The following PALLD variants were observed in gnomAD, a reference collection of about 807,000 sequenced individuals.
PALLD encodes the protein palladin, cytoskeletal associated protein.
A neutral mutation model predicts 123.5 loss-of-function variants in PALLD; 61 were observed. The ratio of observed to expected loss-of-function variants is 0.49; its 90% CI spans 0.40 to 0.61. The LOEUF (loss-of-function observed/expected upper bound fraction) is 0.61, where lower values mean the gene tolerates loss of function less well. Ranked by LOEUF, PALLD falls within the 20% of genes least tolerant of loss-of-function variation. The probability of loss-of-function intolerance (pLI) is 0.00; values close to 1 mark genes in which losing one functional copy is unlikely to be tolerated. For synonymous variants in PALLD, 465 were observed against 496.4 expected, an observed-to-expected ratio of 0.94 and a Z score of 0.84; for missense variants, 1,273 against 1,377.0, an observed-to-expected ratio of 0.92 and a Z score of 1.20.
intron 10 of PALLD, among the ~76,000 whole-genome samples, chr4:168,740,491 TG>T (rs1172070702): frequency 6.6e-6 from 1 of 152,220 alleles, no homozygotes; most frequent in East Asian, 1.9e-4. Flanking sequence ...CCTCATGCTG[TG>T]GTTTTTTTTC....
At chr4:168,541,306 A>G (rs2149509485) in intron 2 of PALLD, among the ~76,000 whole-genome samples, 1 of 152,294 alleles carries the variant, frequency 6.6e-6, no homozygotes. Context: ...TTCAGATGAC[A>G]GCACATCCAA....
intron 10 of PALLD, among the ~76,000 whole-genome samples, chr4:168,768,053 G>A (rs1324317467): frequency 6.6e-6 from 1 of 152,088 alleles, no homozygotes; most frequent in African/African-American, 2.4e-5. Context: ...AAAACCTCCT[G>A]TTCATCCTTC....
intron 2 of PALLD, among the ~76,000 whole-genome samples, chr4:168,618,620 T>C (rs1005448827): frequency 3.9e-5 from 6 of 152,186 alleles, no homozygotes; most frequent in Admixed American, 2.0e-4. Context: ...AATCAAGTAT[T>C]AGGAGGAAAT....
chr4:168,922,031 C>T (rs1464927524), intron 18 of PALLD, among the ~76,000 whole-genome samples: 1 of 151,024 alleles, frequency 6.6e-6, no homozygotes, highest in Non-Finnish European at 1.5e-5. Flanking sequence ...GAAATAGTAA[C>T]AGCAGCATGG....
intron 10 of PALLD, among the ~76,000 whole-genome samples, chr4:168,866,119 A>T (rs908659873): frequency 2.0e-5 from 3 of 150,706 alleles, no homozygotes; most frequent in African/African-American, 7.3e-5. Flanking sequence ...AAAAAATTCC[A>T]CTGGGTGTGG....
intron 2 of PALLD, among the ~76,000 whole-genome samples, chr4:168,653,913 G>T (rs1489054373): frequency 6.6e-6 from 1 of 151,864 alleles, no homozygotes; most frequent in African/African-American, 2.4e-5. Flanking sequence ...TGTTAGCCAG[G>T]ATGGTCTCGA....
intron 2 of PALLD, among the ~76,000 whole-genome samples, chr4:168,529,038 A>G (rs141936216): frequency 1.3e-5 from 2 of 152,324 alleles, no homozygotes; most frequent in East Asian, 3.9e-4. Flanking sequence ...CATAAGAACT[A>G]GGTGTGCCAT....
intron 10 of PALLD, chr4:168,712,315 G>A (rs1784908592): frequency 3.5e-6 from 1 of 289,176 alleles, no homozygotes; most frequent in African/African-American, 2.2e-5. Context: ...TAAATATTAA[G>A]TATCAGTAAG....
chr4:168,761,308 T>C (rs1444262818), intron 10 of PALLD, among the ~76,000 whole-genome samples: 1 of 152,208 alleles, frequency 6.6e-6, no homozygotes, highest in Non-Finnish European at 1.5e-5. Context: ...TCCCCTGTGT[T>C]CCTGTGGTCC....
chr4:168,785,706 T>C (rs1256989674), intron 10 of PALLD, among the ~76,000 whole-genome samples: 1 of 151,534 alleles, frequency 6.6e-6, no homozygotes, highest in Non-Finnish European at 1.5e-5. Context: ...CGTTACTGGT[T>C]GAGAGGAGAC....
chr4:168,668,214 G>A lies in PALLD; in HGVS notation c.933G>A (p.Leu311=). The change falls in exon 3 of 22, where the codon CTG becomes CTA. Residue 311 remains leucine, a synonymous_variant. Transcript: ENST00000505667. Reference sequence around the variant, plus strand: ...GATGGTTCTGTGAAGGGAAAGAACTGCACAACACTCCTGATATTCAAATCC... The same window carrying A: ...GATGGTTCTGTGAAGGGAAAGAACTACACAACACTCCTGATATTCAAATCC... The part of the protein sequence containing the change: ...RVRWFCEGKE[L]HNTPDIQIHC... 6.2e-7 allele frequency: 1 copy of A among 1,614,064 alleles called. No homozygotes were observed.
chr4:168,679,045 T>C (rs942909706), intron 3 of PALLD, among the ~76,000 whole-genome samples: 1 of 128,728 alleles, frequency 7.8e-6, no homozygotes, highest in Non-Finnish European at 1.6e-5. Flanking sequence ...GTGTGTGGTG[T>C]GGGTGTGTGT....
At chr4:168,660,128 C>T (rs1778986135) in intron 2 of PALLD, among the ~76,000 whole-genome samples, 1 of 152,150 alleles carries the variant, frequency 6.6e-6, no homozygotes, top group Admixed American at 6.6e-5. Context: ...CAGTTCAGAG[C>T]CCCACTGCCA....
Position 168,682,989 on chromosome 4 carries a change from A to T in PALLD, c.1155-9A>T. ...ATTCTGACTAAACACTCACCTTCCTATTTTCCAGAGCTCAAAAGAAAACAA... is the reference window on the plus strand; with the variant it reads ...ATTCTGACTAAACACTCACCTTCCTTTTTTCCAGAGCTCAAAAGAAAACAA... On this transcript the variant is annotated splice_polypyrimidine_tract_variant and intron_variant, in intron 4 of 21. Coordinates refer to ENST00000505667, the MANE Select transcript of PALLD (RefSeq NM_001166108.2). 6.4e-7 allele frequency: 1 copy of T among 1,562,940 alleles called. No homozygotes were observed. Among genetic ancestry groups the T allele is most frequent in the Admixed American group, 1.7e-5 (1 of 59,876 alleles).
chr4:168,523,023 C>T (rs1397114218), intron 2 of PALLD, among the ~76,000 whole-genome samples: 1 of 152,054 alleles, frequency 6.6e-6, no homozygotes, highest in Non-Finnish European at 1.5e-5. Context: ...AGCTTCCAGT[C>T]ACTGTTTATA....
At position 168,687,922 on chromosome 4, in the gene PALLD, AAAGCTCAGAGCCACTAG is replaced by A. The variant is rs942205899; in HGVS notation, c.1335+2379_1335+2395del. Among the ~76,000 whole-genome samples, 11 of 152,152 alleles carry A rather than the reference AAAGCTCAGAGCCACTAG, an allele frequency of 7.2e-5. No individual in the cohort carries two copies. In the South Asian group the frequency reaches 1.7e-3, roughly 23 times the overall value. On this transcript the variant is annotated intron_variant, in intron 6 of 21. Coordinates refer to ENST00000505667, the MANE Select transcript of PALLD (RefSeq NM_001166108.2). Reference sequence around the variant, plus strand: ...ATTCACTGGAAGCTCAGAGCCACTGAAAGCTCAGAGCCACTAGAAGCTCAGAGCCACTGGAAGCTCAG... The same window carrying A: ...ATTCACTGGAAGCTCAGAGCCACTGAAAGCTCAGAGCCACTGGAAGCTCAG...
At chr4:168,845,788 A>C (rs1283887083) in intron 10 of PALLD, among the ~76,000 whole-genome samples, 1 of 152,254 alleles carries the variant, frequency 6.6e-6, no homozygotes, top group Non-Finnish European at 1.5e-5. Flanking sequence ...AGACTAAGAA[A>C]GTACCAGTGG....
At chr4:168,616,495 T>C (rs1019704719) in intron 2 of PALLD, among the ~76,000 whole-genome samples, 9 of 152,186 alleles carry the variant, frequency 5.9e-5, no homozygotes, top group Non-Finnish European at 1.2e-4. Context: ...CCAGATCATG[T>C]ATATAATTTC....
In PALLD at chr4:168,844,833, C is replaced by T. The variant is rs1342129683; in HGVS notation, c.1965-46089C>T. ...ACATGTACTGAGTTTGTTTTGTGCT[C>T]AGCATTCCCGACTAAGTAGGACATT... On this transcript the variant is annotated intron_variant, in intron 10 of 21. Coordinates refer to ENST00000505667, the MANE Select transcript of PALLD (RefSeq NM_001166108.2). The surrounding 1 kb of genome is among the most constrained non-coding windows in gnomAD (Gnocchi z 4.5). The T allele has an allele frequency of 2.0e-5, 3 of 152,196 alleles. No homozygotes were observed. The highest frequency in any genetic ancestry group is 2.9e-5 in the Non-Finnish European group (2 of 68,056). 9.4% of individuals were successfully genotyped at this position (152,196 alleles called of 1,614,324 possible).
Sources: gnomAD v4.1 joint callset for allele counts (sites outside exome capture counted in the v4.1 genomes callset) on GRCh38, gnomAD v4.1.1 for gene constraint, Gnocchi (gnomAD v3.1) non-coding constraint, MANE v1.5 for transcripts, NCBI Gene and HGNC (gene_info 2026-07-23, HGNC 2026-07-21) for gene names.